The following FLT3 variants were observed in gnomAD, a reference collection of about 807,000 sequenced individuals.
The protein encoded by FLT3 is fms related receptor tyrosine kinase 3.
In FLT3, 46 loss-of-function variants were observed where a neutral mutation model predicts 126.6. That is an observed-to-expected ratio of 0.36 (90% CI 0.29 to 0.46). The LOEUF is 0.46. Ranked by LOEUF, FLT3 falls within the 20% of genes least tolerant of loss-of-function variation. The pLI, the probability that FLT3 is intolerant of heterozygous loss-of-function variation, is 1.00. For missense variants in FLT3, 1,069 were observed against 1,190.3 expected (o/e 0.90, Z 1.50); for synonymous variants, 404 against 434.4 (o/e 0.93, Z 0.87).
At chr13:28,011,959 G>A (rs1011806514) in intron 23 of FLT3, among the ~76,000 whole-genome samples, 6 of 151,916 alleles carry the variant, frequency 3.9e-5, no homozygotes, top group African/African-American at 9.7e-5. Context: ...CACCACGCCT[G>A]GCTAATTTTT....
At chr13:28,054,773 C>A (rs890095924) in intron 4 of FLT3, among the ~76,000 whole-genome samples, 1 of 152,202 alleles carries the variant, frequency 6.6e-6, no homozygotes, top group African/African-American at 2.4e-5. Context: ...TGCTTGCCAT[C>A]TGGTACTGCC....
chr13:28,036,025 G>A lies in FLT3; in HGVS notation c.1328C>T (p.Ala443Val). ...LNIRRKPQVL[A>V]EASASQASCF... ...GGACGCCTGACTTGCCGATGCTTCT[G>A]CGAGCACTTGAGGTTTCCCTATAGA... Residue 443 changes from alanine to valine, a missense_variant, in exon 11 of 24, where the codon GCA becomes GTA. Ala to Val is a moderately conservative substitution (Grantham distance 64, BLOSUM62 0). Transcript: ENST00000241453. 2 of 1,614,012 alleles carry A rather than the reference G, an allele frequency of 1.2e-6. No individual in the cohort carries two copies. The highest frequency in any genetic ancestry group is 8.5e-7 in the Non-Finnish European group (1 of 1,179,946).
intron 23 of FLT3, among the ~76,000 whole-genome samples, chr13:28,006,494 A>G (rs2137584549): frequency 6.6e-6 from 1 of 152,254 alleles, no homozygotes; most frequent in South Asian, 2.1e-4. Context: ...GTTGAATCCA[A>G]ATGTACATCT....
At chr13:28,010,589 G>A (rs1871268770) in intron 23 of FLT3, among the ~76,000 whole-genome samples, 1 of 152,190 alleles carries the variant, frequency 6.6e-6, no homozygotes, top group African/African-American at 2.4e-5. Flanking sequence ...TGATCTCCCT[G>A]ATCTAATCCC....
chr13:28,056,020 G>C (rs546404491), intron 4 of FLT3, among the ~76,000 whole-genome samples: 2 of 152,076 alleles, frequency 1.3e-5, no homozygotes, highest in Admixed American at 1.3e-4. Flanking sequence ...AATAAATTTT[G>C]GGTAATTTTG....
chr13:28,061,712 A>C (rs976921695), intron 3 of FLT3, among the ~76,000 whole-genome samples, 155 bp downstream of exon 3: 1 of 152,072 alleles, frequency 6.6e-6, no homozygotes, highest in Admixed American at 6.6e-5. Flanking sequence ...TCGAGGCTAC[A>C]GTGAGACAAG....
intron 5 of FLT3, 69 bp downstream of exon 5, chr13:28,052,476 A>G: frequency 2.8e-6 from 4 of 1,426,934 alleles, no homozygotes; most frequent in Admixed American, 4.1e-5. Flanking sequence ...ATACAGCTTG[A>G]TGTCAACTAC....
intron 1 of FLT3, among the ~76,000 whole-genome samples, chr13:28,077,944 A>G (rs1408456124): frequency 1.3e-5 from 2 of 152,230 alleles, no homozygotes; most frequent in East Asian, 1.9e-4. Context: ...TAAAGCTCCA[A>G]AATGATCTCT....
At position 28,049,388 on chromosome 13, in the gene FLT3, G is replaced by T; in HGVS notation, c.1032C>A (p.Ile344=). 6.2e-7 allele frequency: 1 copy of T among 1,613,128 alleles called. No homozygotes were observed. The highest frequency in any genetic ancestry group is 8.5e-7 in the Non-Finnish European group (1 of 1,179,648). The change falls in exon 8 of 24, where the codon ATC becomes ATA. Residue 344 remains isoleucine, a synonymous_variant. Coordinates refer to ENST00000241453, the MANE Select transcript of FLT3 (RefSeq NM_004119.3). Reference sequence around the variant, plus strand: ...TGTGTGAGCAGCCTGCATTACCTACGATGGTAACCAAAGCTGATTGACTGG... The same window carrying T: ...TGTGTGAGCAGCCTGCATTACCTACTATGGTAACCAAAGCTGATTGACTGG... The part of the protein sequence containing the change: ...KHPSQSALVT[I]VEKGFINATN...
chr13:28,054,742 A>G (rs1466645446), intron 4 of FLT3, among the ~76,000 whole-genome samples: 1 of 152,136 alleles, frequency 6.6e-6, no homozygotes, highest in Non-Finnish European at 1.5e-5. Context: ...TTACCCTTGA[A>G]TCTCCTCACT....
chr13:28,091,813 T>C (rs939987149), intron 1 of FLT3, among the ~76,000 whole-genome samples: 1 of 152,058 alleles, frequency 6.6e-6, no homozygotes, highest in Admixed American at 6.5e-5. Flanking sequence ...ATTACGCCTG[T>C]AATCCCAGCA....
intron 9 of FLT3, among the ~76,000 whole-genome samples, chr13:28,039,017 G>C (rs1232629997): frequency 1.3e-5 from 2 of 152,092 alleles, no homozygotes; most frequent in Non-Finnish European, 2.9e-5. Flanking sequence ...CCTTCATAGA[G>C]GAGGTAGAGC....
At position 28,061,940 on chromosome 13, in the gene FLT3, C is replaced by G; in HGVS notation, c.295G>C (p.Gly99Arg). 2 of 1,614,020 alleles carry G rather than the reference C, an allele frequency of 1.2e-6. No individual in the cohort carries two copies. The highest frequency in any genetic ancestry group is 4.5e-5 in the East Asian group (2 of 44,886). Reference protein sequence around the residue: ...ITLQVLVDAPGNISCLWVFKH... With the variant: ...ITLQVLVDAPRNISCLWVFKH... Reference sequence around the variant, plus strand: ...AAGACCCAGAGACAGGAAATGTTCCCTGGGGCGTCGACCAGCACTTGCAGT... The same window carrying G: ...AAGACCCAGAGACAGGAAATGTTCCGTGGGGCGTCGACCAGCACTTGCAGT... The change falls in exon 3 of 24, where the codon GGG becomes CGG. Residue 99 changes from glycine to arginine, a missense_variant. Physicochemically the swap from Gly to Arg is moderately radical, Grantham distance 125 (BLOSUM62 -2). Coordinates refer to ENST00000241453, the MANE Select transcript of FLT3 (RefSeq NM_004119.3).
chr13:28,089,885 C>T (rs1878919955), intron 1 of FLT3, among the ~76,000 whole-genome samples: 2 of 150,952 alleles, frequency 1.3e-5, no homozygotes, highest in South Asian at 4.2e-4. Flanking sequence ...AAGGCGCCTG[C>T]CACCATGCCC....
chr13:28,075,883 C>T (rs1217872840), intron 1 of FLT3, among the ~76,000 whole-genome samples: 4 of 151,650 alleles, frequency 2.6e-5, no homozygotes, highest in African/African-American at 7.3e-5. Context: ...GCAAACTCCA[C>T]CTCCCAGGTT....
At chr13:28,004,645 T>C (rs895094748) in intron 23 of FLT3, among the ~76,000 whole-genome samples, 6 of 152,140 alleles carry the variant, frequency 3.9e-5, no homozygotes, top group Non-Finnish European at 5.9e-5. Context: ...TGATATATAA[T>C]AGATGTACAT....
At chr13:28,030,862 T>A (rs975554795) in intron 15 of FLT3, among the ~76,000 whole-genome samples, 5 of 151,534 alleles carry the variant, frequency 3.3e-5, no homozygotes, top group African/African-American at 1.2e-4. Flanking sequence ...TATGATGACT[T>A]CACTGCACTC....
rs767430269 is a variant in FLT3 at position 28,034,172 on chromosome 13, C to T, written c.1747G>A (p.Gly583Ser). The T allele has an allele frequency of 3.5e-5, 56 of 1,613,824 alleles. 2 individuals carry two copies. In the South Asian group the frequency reaches 5.6e-4, roughly 16 times the overall value. ...TAGAAGTACTCATTATCTGAGGAGC[C>T]GGTCACCTGTACCATCTGTAGCTGG... ...ESQLQMVQVT[G>S]SSDNEYFYVD... The change falls in exon 14 of 24, where the codon GGC (glycine) becomes AGC (serine). Residue 583 changes from glycine to serine, a missense_variant. Gly to Ser is a moderately conservative substitution (Grantham distance 56). Transcript: ENST00000241453.
Position 28,029,762 on chromosome 13 carries a change from A to G in FLT3, c.1943-1474T>C, listed in dbSNP as rs1215638851. On this transcript the variant is annotated intron_variant, in intron 15 of 23. Transcript: ENST00000241453. The stretch of plus-strand genomic sequence containing the variant: ...CCACTATCAGGTGCTCAAGAGACCC[A>G]TTAATTGACATTGAGAAATAAAACT... Among the ~76,000 whole-genome samples, 4 of 152,362 alleles carry G rather than the reference A, an allele frequency of 2.6e-5. No homozygotes were observed. The South Asian group carries it at 8.3e-4, about 32-fold the overall frequency.
Sources: allele counts gnomAD v4.1 joint callset (sites outside exome capture counted in the v4.1 genomes callset), GRCh38; gene constraint gnomAD v4.1.1; transcripts MANE v1.5; gene names NCBI Gene and HGNC (gene_info 2026-07-23, HGNC 2026-07-21).